The following KBTBD7 variants were observed in gnomAD, a reference collection of about 807,000 sequenced individuals.
KBTBD7 encodes the protein kelch repeat and BTB domain containing 7, also known as kelch repeat and BTB domain-containing protein 7.
Under a neutral mutation model 50.3 loss-of-function variants are expected in KBTBD7, and 25 were observed. That is an observed-to-expected ratio of 0.50 (90% CI 0.36 to 0.69). The LOEUF (loss-of-function observed/expected upper bound fraction) is 0.69. Ranked by LOEUF, KBTBD7 falls within the 30% of genes least tolerant of loss-of-function variation. The pLI, the probability that KBTBD7 is intolerant of heterozygous loss-of-function variation, is 0.00. For missense variants in KBTBD7, 653 were observed against 869.5 expected (o/e 0.75, Z 3.13); for synonymous variants, 305 against 325.3 (o/e 0.94, Z 0.67).
chr13:41,194,344 G>A lies in KBTBD7; in HGVS notation c.-87C>T. On this transcript the variant is annotated 5_prime_UTR_variant, in exon 1 of 1. Coordinates refer to ENST00000379483, the MANE Select transcript of KBTBD7 (RefSeq NM_032138.7). ...CTCAACCTTCCCTCGCTGACGCTAAGACAAGCCGCGTCCTGGAACAGACTG... is the reference window on the plus strand; with the variant it reads ...CTCAACCTTCCCTCGCTGACGCTAAAACAAGCCGCGTCCTGGAACAGACTG... 1 of 1,514,620 alleles carries A rather than the reference G, an allele frequency of 6.6e-7. No homozygotes were observed. The highest frequency in any genetic ancestry group is 8.9e-7 in the Non-Finnish European group (1 of 1,126,700). 93.8% of individuals were successfully genotyped at this position (1,514,620 alleles called of 1,614,324 possible).
rs767381199 is a variant in KBTBD7, at chr13:41,193,211, AAAG to A, written c.1044_1046del (p.Phe349del). 3 of 1,614,038 alleles carry A rather than the reference AAAG, an allele frequency of 1.9e-6. No homozygotes were observed. The South Asian group carries it at 3.3e-5, about 18-fold the overall frequency. Reference sequence around the variant, plus strand: ...AGAGAAAGGGATCTCTAGGATGTCCAAAGAAGATCACCATCTCCTTGGCACACA... The same window carrying A: ...AGAGAAAGGGATCTCTAGGATGTCCAAAGATCACCATCTCCTTGGCACACA... On this transcript the variant is annotated inframe_deletion, in exon 1 of 1. Transcript: ENST00000379483. This position sits in a 1 kb window ranked among gnomAD's most constrained non-coding sequence, Gnocchi z 5.7.
chr13:41,192,863 T>G lies in KBTBD7; in HGVS notation c.1395A>C (p.Ala465=). The G allele has an allele frequency of 5.0e-6, 8 of 1,614,234 alleles. No individual in the cohort carries two copies. Among genetic ancestry groups the G allele is most frequent in the Non-Finnish European group, 6.8e-6 (8 of 1,180,036 alleles). ...AGGAATGAGGGACAGGAGCCACCAA[T>G]GCCCACTGGTTTCTCTGAACACTGT... ...ECYSVQRNQW[A]LVAPVPHSFY... Residue 465 remains alanine, a synonymous_variant, in exon 1 of 1, where the codon GCA becomes GCC. Coordinates refer to ENST00000379483, the MANE Select transcript of KBTBD7 (RefSeq NM_032138.7).
rs1430981561 is a variant in KBTBD7, at chr13:41,190,244, T to A, written c.*1959A>T. On this transcript the variant is annotated 3_prime_UTR_variant, in exon 1 of 1. Transcript: ENST00000379483. ...AGTGCAGTACTTATAACATCCCTGA[T>A]GTCAAATGTACAAAATTTAGCTTTA... 1 of 152,232 alleles carries A rather than the reference T, an allele frequency of 6.6e-6. No homozygotes were observed. Among genetic ancestry groups the A allele is most frequent in the African/African-American group, 2.4e-5 (1 of 41,470 alleles). 9.4% of individuals were successfully genotyped at this position (152,232 alleles called of 1,614,324 possible). A position where few individuals can be genotyped will look rare whatever the true frequency, so the allele number is the denominator to read the frequency against.
chr13:41,194,425 T>C lies in KBTBD7; in HGVS notation c.-168A>G, dbSNP rs550722612. On this transcript the variant is annotated 5_prime_UTR_variant, in exon 1 of 1. Transcript: ENST00000379483. ...TATCCCGCGGTGAGGCCTCCCTTTA[T>C]TGCATAGACAGTGGCTGACTCACCC... 2 of 848,754 alleles carry C rather than the reference T, an allele frequency of 2.4e-6. No homozygotes were observed. Among genetic ancestry groups the C allele is most frequent in the Non-Finnish European group, 3.6e-6 (2 of 551,518 alleles). The allele number at this position is 848,754 out of a possible 1,614,324, so 52.6% of individuals were successfully genotyped here.
Position 41,194,456 on chromosome 13 carries a change from C to T in KBTBD7, c.-199G>A, listed in dbSNP as rs2031482335. On this transcript the variant is annotated 5_prime_UTR_variant, in exon 1 of 1. Transcript: ENST00000379483. The stretch of plus-strand genomic sequence containing the variant: ...AGACAGTGGCTGACTCACCCTCTCT[C>T]ACTCCCGCGCCCTTTCTCCGCCTCC... 7.1e-6 allele frequency: 5 copies of T among 699,516 alleles called. No homozygotes were observed. In the Admixed American group the frequency reaches 1.5e-4, roughly 21 times the overall value. 43.3% of individuals were successfully genotyped at this position (699,516 alleles called of 1,614,324 possible). A position where few individuals can be genotyped will look rare whatever the true frequency, so the allele number is the denominator to read the frequency against.
Position 41,192,025 on chromosome 13 carries a change from G to T in KBTBD7, c.*178C>A. 3 of 534,598 alleles carry T rather than the reference G, an allele frequency of 5.6e-6. No homozygotes were observed. The South Asian group carries it at 1.1e-4, about 20-fold the overall frequency. 33.1% of individuals were successfully genotyped at this position (534,598 alleles called of 1,614,324 possible). On this transcript the variant is annotated 3_prime_UTR_variant, in exon 1 of 1. Coordinates refer to ENST00000379483, the MANE Select transcript of KBTBD7 (RefSeq NM_032138.7). The stretch of plus-strand genomic sequence containing the variant: ...ATTTTAATTCTGGACTTTCAGGATG[G>T]TAAATTATTAAACAGGTCGATTTCA...
Position 41,193,445 on chromosome 13 carries a change from A to C in KBTBD7, c.813T>G (p.Thr271=), listed in dbSNP as rs1282606625. ...VFKCVRWMHF[T]EEDQDYLEGL... is the part of the protein sequence containing the mutation. ...CTTCTAAGTAGTCCTGATCTTCTTC[A>C]GTGAAGTGCATCCAGCGCACGCACT... is the stretch of plus-strand genomic sequence containing the variant. The change falls in exon 1 of 1, where the codon ACT becomes ACG. Residue 271 remains threonine, a synonymous_variant. Coordinates refer to ENST00000379483, the MANE Select transcript of KBTBD7 (RefSeq NM_032138.7). The surrounding 1 kb of genome is among the most constrained non-coding windows in gnomAD (Gnocchi z 5.7). 1 of 1,613,954 alleles carries C rather than the reference A, an allele frequency of 6.2e-7. No homozygotes were observed. The highest frequency in any genetic ancestry group is 1.3e-5 in the African/African-American group (1 of 74,904).
rs753879789 is a variant in KBTBD7, at chr13:41,194,235, G to A, written c.23C>T (p.Pro8Leu). Residue 8 changes from proline to leucine, a missense_variant, in exon 1 of 1, where the codon CCG becomes CTG. Physicochemically the swap from Pro to Leu is moderately conservative, Grantham distance 98 (BLOSUM62 -3). Coordinates refer to ENST00000379483, the MANE Select transcript of KBTBD7 (RefSeq NM_032138.7). Reference protein sequence around the residue: MQSREDVPRSRRLASPRG... With the variant: MQSREDVLRSRRLASPRG... ...GGGACTGGCGAGGCGGCGAGAGCGC[G>A]GGACGTCTTCCCGGGACTGCATGGT... 3 of 1,614,046 alleles carry A rather than the reference G, an allele frequency of 1.9e-6. No homozygotes were observed. Among genetic ancestry groups the A allele is most frequent in the Non-Finnish European group, 2.5e-6 (3 of 1,180,006 alleles).
At position 41,194,327 on chromosome 13, in the gene KBTBD7, T is replaced by C; in HGVS notation, c.-70A>G. On this transcript the variant is annotated 5_prime_UTR_variant, in exon 1 of 1. Transcript: ENST00000379483. ...CCAGGCTCTGGCTCCTCCTCAACCT[T>C]CCCTCGCTGACGCTAAGACAAGCCG... 1 of 1,551,736 alleles carries C rather than the reference T, an allele frequency of 6.4e-7. No homozygotes were observed. Among genetic ancestry groups the C allele is most frequent in the Non-Finnish European group, 8.7e-7 (1 of 1,149,614 alleles).
In KBTBD7 at chr13:41,194,247, C is replaced by G. The variant is rs559788858; in HGVS notation, c.11G>C (p.Arg4Pro). The G allele has an allele frequency of 1.8e-5, 29 of 1,613,818 alleles. 1 individual carries two copies. In the South Asian group the frequency reaches 2.7e-4, roughly 15 times the overall value. Residue 4 changes from arginine to proline, a missense_variant, in exon 1 of 1, where the codon CGG becomes CCG. Arg to Pro is a moderately radical substitution (Grantham distance 103, BLOSUM62 -2). Transcript: ENST00000379483. ...GCGGCGAGAGCGCGGGACGTCTTCC[C>G]GGGACTGCATGGTGGAGATGGCGAC... Reference protein sequence around the residue: MQSREDVPRSRRLA... With the variant: MQSPEDVPRSRRLA...
In KBTBD7 at chr13:41,190,345, G is replaced by GT. The variant is rs1420737642; in HGVS notation, c.*1857dup. 6.6e-6 allele frequency: 1 copy of GT among 152,114 alleles called. No individual in the cohort carries two copies. The highest frequency in any genetic ancestry group is 6.5e-5 in the Admixed American group (1 of 15,272). 9.4% of individuals were successfully genotyped at this position (152,114 alleles called of 1,614,324 possible). On this transcript the variant is annotated 3_prime_UTR_variant, in exon 1 of 1. Transcript: ENST00000379483. ...GCCATCCTACTTCACTGGAAATAAC[G>GT]TTAAACTTGTAGACTGTTCAAATGG...
At position 41,193,032 on chromosome 13, in the gene KBTBD7, T is replaced by A. The variant is rs1379411108; in HGVS notation, c.1226A>T (p.Lys409Ile). 2 of 1,614,114 alleles carry A rather than the reference T, an allele frequency of 1.2e-6. No homozygotes were observed. The highest frequency in any genetic ancestry group is 1.7e-6 in the Non-Finnish European group (2 of 1,180,040). ...TTGCTGCCAACTATTCTGAGCTGGT[T>A]TATACACCCAGAGGTCTTTCCTGGG... Reference protein sequence around the residue: ...AQPRKDLWVYKPAQNSWQQLA... With the variant: ...AQPRKDLWVYIPAQNSWQQLA... Residue 409 changes from lysine (K) to isoleucine (I), a missense_variant, in exon 1 of 1, where the codon AAA (lysine) becomes ATA (isoleucine). Lys to Ile is a moderately radical substitution (Grantham distance 102). Around this residue, in one of 3 missense-constraint regions of KBTBD7, gnomAD observed 526 missense variants for 717.1 expected, o/e 0.73. Coordinates refer to ENST00000379483, the MANE Select transcript of KBTBD7 (RefSeq NM_032138.7). The surrounding 1 kb of genome is among the most constrained non-coding windows in gnomAD (Gnocchi z 5.7).
Position 41,191,159 on chromosome 13 carries a change from C to G in KBTBD7, c.*1044G>C, listed in dbSNP as rs2031372685. On this transcript the variant is annotated 3_prime_UTR_variant, in exon 1 of 1. Transcript: ENST00000379483. ...ATACATATGTTCTAAACCATATTAC[C>G]TCACAAAACAGTAAAGAATAAATCA... 1 of 152,066 alleles carries G rather than the reference C, an allele frequency of 6.6e-6. No individual in the cohort carries two copies. Among genetic ancestry groups the G allele is most frequent in the South Asian group, 2.1e-4 (1 of 4,834 alleles). The allele number at this position is 152,066 out of a possible 1,614,324, so 9.4% of individuals were successfully genotyped here. A position where few individuals can be genotyped will look rare whatever the true frequency, so the allele number is the denominator to read the frequency against.
In KBTBD7 at chr13:41,193,713, G is replaced by C. The variant is rs2031455299; in HGVS notation, c.545C>G (p.Ala182Gly). ...AGATCGAAGCTTGTGATGGTCGAAG[G>C]CGTCTGCAAACTTGAGGATGGCGGT... ...NCTAILKFAD[A>G]FDHHKLRSQA... Residue 182 changes from alanine to glycine, a missense_variant, in exon 1 of 1, where the codon GCC (alanine) becomes GGC (glycine). Physicochemically the swap from Ala to Gly is moderately conservative, Grantham distance 60. Around this residue, in one of 3 missense-constraint regions of KBTBD7, gnomAD observed 526 missense variants for 717.1 expected, o/e 0.73. Transcript: ENST00000379483. This position sits in a 1 kb window ranked among gnomAD's most constrained non-coding sequence, Gnocchi z 5.7. 7 of 1,614,222 alleles carry C rather than the reference G, an allele frequency of 4.3e-6. No homozygotes were observed. The highest frequency in any genetic ancestry group is 5.9e-6 in the Non-Finnish European group (7 of 1,180,034).
rs745682411 is a variant in KBTBD7 at position 41,194,152 on chromosome 13, C to G, written c.106G>C (p.Gly36Arg). Reference protein sequence around the residue: ...SKPSVSAFFTGPEELKDTAHS... With the variant: ...SKPSVSAFFTRPEELKDTAHS... ...GCCGTGTCCTTTAACTCCTCTGGAC[C>G]CGTGAAAAAGGCCGAAACCGAGGGC... Residue 36 changes from glycine (G) to arginine (R), a missense_variant, in exon 1 of 1, where the codon GGT (glycine) becomes CGT (arginine). By Grantham distance (125) the Gly-to-Arg change is moderately radical. This residue lies in a region of KBTBD7 where 119 missense variants were observed against 125.0 expected (regional missense o/e 0.95). Transcript: ENST00000379483. 26 of 1,614,082 alleles carry G rather than the reference C, an allele frequency of 1.6e-5. No individual in the cohort carries two copies. The highest frequency in any genetic ancestry group is 2.1e-5 in the Non-Finnish European group (25 of 1,180,048).
Position 41,194,557 on chromosome 13 carries a change from C to G in KBTBD7, c.-300G>C, listed in dbSNP as rs547136348. ...CGCGCTGGCGATCCCGCTAGGCGCC[C>G]GGGAGAACTACTGCTCCCAGGTTGC... On this transcript the variant is annotated 5_prime_UTR_variant, in exon 1 of 1. Coordinates refer to ENST00000379483, the MANE Select transcript of KBTBD7 (RefSeq NM_032138.7). 1.1e-5 allele frequency: 5 copies of G among 472,068 alleles called. No individual in the cohort carries two copies. Among genetic ancestry groups the G allele is most frequent in the Admixed American group, 3.6e-5 (1 of 27,454 alleles). 29.2% of individuals were successfully genotyped at this position (472,068 alleles called of 1,614,324 possible).
At position 41,192,532 on chromosome 13, in the gene KBTBD7, G is replaced by A; in HGVS notation, c.1726C>T (p.Pro576Ser). ...GTCACTCGGTTCTTTTTCCATTGTG[G>A]GGTTGTAGAAGTGATGAGAAGCAAC... ...QKLLLITSTT[P>S]QWKKNRVTVY... The change falls in exon 1 of 1, where the codon CCA (proline) becomes TCA (serine). Residue 576 changes from proline to serine, a missense_variant. Pro to Ser is a moderately conservative substitution (Grantham distance 74). Transcript: ENST00000379483. 1 of 1,614,138 alleles carries A rather than the reference G, an allele frequency of 6.2e-7. No homozygotes were observed. The highest frequency in any genetic ancestry group is 8.5e-7 in the Non-Finnish European group (1 of 1,180,010).
rs2031347742 is a variant in KBTBD7, at chr13:41,189,992, A to C, written c.*2211T>G. On this transcript the variant is annotated 3_prime_UTR_variant, in exon 1 of 1. Transcript: ENST00000379483. ...AAACCAAGACATTCCCACTATTTAG[A>C]CTAGGTTTTAACTCAAAGGTTAAGA... 6.6e-6 allele frequency: 1 copy of C among 152,220 alleles called. No homozygotes were observed. Among genetic ancestry groups the C allele is most frequent in the African/African-American group, 2.4e-5 (1 of 41,470 alleles). The allele number at this position is 152,220 out of a possible 1,614,324, so 9.4% of individuals were successfully genotyped here.
rs989291104 is a variant in KBTBD7, at chr13:41,194,359, G to A, written c.-102C>T. 3.8e-5 allele frequency: 55 copies of A among 1,455,606 alleles called. No homozygotes were observed. The highest frequency in any genetic ancestry group is 4.8e-5 in the Non-Finnish European group (52 of 1,083,876). 90.2% of individuals were successfully genotyped at this position (1,455,606 alleles called of 1,614,324 possible). ...CTGACGCTAAGACAAGCCGCGTCCT[G>A]GAACAGACTGCGGCACGGGCCGCAC... is the stretch of plus-strand genomic sequence containing the variant. On this transcript the variant is annotated 5_prime_UTR_variant, in exon 1 of 1. Transcript: ENST00000379483.
Sources: gnomAD v4.1 joint callset for allele counts on GRCh38, gnomAD v4.1.1 for gene constraint, gnomAD v4.1.1 regional missense constraint, Gnocchi (gnomAD v3.1) non-coding constraint, MANE v1.5 for transcripts, NCBI Gene and HGNC (gene_info 2026-07-23, HGNC 2026-07-21) for gene names.